Variants in CNDP1 observed in about 807,000 individuals in gnomAD.
The protein encoded by CNDP1 is carnosine dipeptidase 1.
CNDP1 carries 44 observed loss-of-function variants against 58.1 expected under a neutral mutation model. That is an observed-to-expected ratio of 0.76 (90% CI 0.60 to 0.97). CNDP1 has a LOEUF of 0.97. CNDP1 is among the 50% of genes least tolerant of loss of function. The probability of loss-of-function intolerance (pLI) is 0.00; values close to 1 mark genes in which losing one functional copy is unlikely to be tolerated. For synonymous variants in CNDP1, 254 were observed against 252.6 expected (o/e 1.01, Z -0.05); for missense variants, 616 against 655.1 (o/e 0.94, Z 0.65).
At chr18:74,556,493 A>G (rs1355171260) in intron 2 of CNDP1, 27 bp downstream of exon 2, 7 of 1,612,506 alleles carry the variant, frequency 4.3e-6, no homozygotes, top group Non-Finnish European at 5.9e-6. Flanking sequence ...ACACAACTAC[A>G]CACAGAATGC....
chr18:74,548,491 C>T (rs1467315006), intron 1 of CNDP1, among the ~76,000 whole-genome samples: 1 of 152,154 alleles, frequency 6.6e-6, no homozygotes, highest in Non-Finnish European at 1.5e-5. Context: ...GCCTTCAGAA[C>T]CATGAGCCAA....
chr18:74,575,412 G>A (rs570389293), intron 7 of CNDP1, among the ~76,000 whole-genome samples: 30 of 152,286 alleles, frequency 2.0e-4, no homozygotes, highest in African/African-American at 7.2e-4. Flanking sequence ...TCTCATGACT[G>A]CATTATCAGT....
chr18:74,557,370 C>A (rs574396135), intron 2 of CNDP1, among the ~76,000 whole-genome samples: 2 of 152,246 alleles, frequency 1.3e-5, no homozygotes, highest in South Asian at 2.1e-4. Context: ...TCTGCTTTAC[C>A]CCTAATTCAC....
At chr18:74,542,832 G>A (rs1426164114) in intron 1 of CNDP1, among the ~76,000 whole-genome samples, 1 of 152,112 alleles carries the variant, frequency 6.6e-6, no homozygotes, top group African/African-American at 2.4e-5. Flanking sequence ...CTAGAACACT[G>A]TTTGAGAACT....
chr18:74,541,294 C>A (rs761073564), intron 1 of CNDP1, among the ~76,000 whole-genome samples: 1 of 152,194 alleles, frequency 6.6e-6, no homozygotes, highest in Non-Finnish European at 1.5e-5. Flanking sequence ...GTGATCGGAT[C>A]CTCCCCTGAG....
At chr18:74,542,268 A>C (rs1405736436) in intron 1 of CNDP1, among the ~76,000 whole-genome samples, 5 of 152,236 alleles carry the variant, frequency 3.3e-5, no homozygotes, top group African/African-American at 1.2e-4. Context: ...CTAATTTATT[A>C]GTCATTATTA....
At chr18:74,536,565 C>T (rs1980491242) in intron 1 of CNDP1, among the ~76,000 whole-genome samples, 1 of 152,176 alleles carries the variant, frequency 6.6e-6, no homozygotes, top group Non-Finnish European at 1.5e-5. Flanking sequence ...AGGTTGATTC[C>T]ATGTCTTTGC....
chr18:74,575,570 G>C (rs913886545), intron 7 of CNDP1, among the ~76,000 whole-genome samples: 1 of 152,176 alleles, frequency 6.6e-6, no homozygotes, highest in Admixed American at 6.5e-5. Context: ...TGGATATTTA[G>C]TGATGATTTT....
At chr18:74,555,705 C>A (rs11876764) in intron 1 of CNDP1, among the ~76,000 whole-genome samples, 3 of 152,056 alleles carry the variant, frequency 2.0e-5, no homozygotes, top group Admixed American at 6.5e-5. Flanking sequence ...GTGGTTGGGT[C>A]TCTCAGAGAT....
chr18:74,563,076 T>G (rs1325827136), intron 5 of CNDP1, among the ~76,000 whole-genome samples: 1 of 152,196 alleles, frequency 6.6e-6, no homozygotes, highest in Non-Finnish European at 1.5e-5. Context: ...AGAGCAGACC[T>G]GGGCTTCTGG....
intron 8 of CNDP1, 143 bp downstream of exon 8, chr18:74,577,172 A>G: frequency 2.7e-6 from 2 of 734,632 alleles, no homozygotes; most frequent in Non-Finnish European, 2.0e-6. Context: ...TATTTTTGAC[A>G]TTCACAGCCA....
intron 2 of CNDP1, among the ~76,000 whole-genome samples, chr18:74,557,659 C>T (rs1447763975): frequency 6.6e-6 from 1 of 152,134 alleles, no homozygotes; most frequent in African/African-American, 2.4e-5. Context: ...GTGTTGTTGT[C>T]TGTGTTCACC....
intron 3 of CNDP1, among the ~76,000 whole-genome samples, chr18:74,560,275 A>G (rs149253463): frequency 0.069 from 10,444 of 152,160 alleles, 542 homozygotes; most frequent in African/African-American, 0.14. Flanking sequence ...TGGCTTCCCA[A>G]AGTGCTGGGA....
At position 74,580,330 on chromosome 18, in the gene CNDP1, G is replaced by A. The variant is rs151264169; in HGVS notation, c.1309+59G>A. ...GCACTGGGACTCAGGGGTGGTACCC[G>A]TGGGACCGTGGGTAAAGCAGACACT... is the stretch of plus-strand genomic sequence containing the variant. On this transcript the variant is annotated intron_variant, in intron 10 of 11. Transcript: ENST00000358821. The A allele has an allele frequency of 6.6e-4, 1,017 of 1,535,140 alleles. 7 individuals are homozygous for A. In the African/African-American group the frequency reaches 7.1e-3, roughly 11 times the overall value.
intron 1 of CNDP1, among the ~76,000 whole-genome samples, chr18:74,547,022 ACGC>A (rs1363875869): frequency 6.6e-6 from 1 of 152,114 alleles, no homozygotes; most frequent in Non-Finnish European, 1.5e-5. Flanking sequence ...GAAGGAAACC[ACGC>A]CCTTGCTGAC....
Position 74,583,567 on chromosome 18 carries a change from G to T in CNDP1, c.1316G>T (p.Gly439Val). 1 of 1,614,006 alleles carries T rather than the reference G, an allele frequency of 6.2e-7. No individual in the cohort carries two copies. Among genetic ancestry groups the T allele is most frequent in the South Asian group, 1.1e-5 (1 of 91,056 alleles). ...CCTTCTTTTCCTGTCTCAGTGTTTGGAACAGAACCAGATATGATCCGGGAT... is the reference window on the plus strand; with the variant it reads ...CCTTCTTTTCCTGTCTCAGTGTTTGTAACAGAACCAGATATGATCCGGGAT... ...AAKRAIRTVF[G>V]TEPDMIRDGS... is the part of the protein sequence containing the mutation. The change falls in exon 11 of 12, where the codon GGA becomes GTA. Residue 439 changes from glycine (G) to valine (V), a missense_variant. Gly to Val is a moderately radical substitution (Grantham distance 109). Coordinates refer to ENST00000358821, the MANE Select transcript of CNDP1 (RefSeq NM_032649.6).
chr18:74,577,104 A>G (rs1981654484), intron 8 of CNDP1, 75 bp downstream of exon 8: 3 of 1,323,646 alleles, frequency 2.3e-6, no homozygotes, highest in Non-Finnish European at 3.1e-6. Context: ...TGTCTAAGTC[A>G]TTGTCTGGTG....
intron 1 of CNDP1, among the ~76,000 whole-genome samples, chr18:74,550,076 C>G (rs1980862753): frequency 6.6e-6 from 1 of 152,276 alleles, no homozygotes; most frequent in South Asian, 2.1e-4. Flanking sequence ...TAGGACAGGT[C>G]AAAAGGAAAC....
chr18:74,579,213 C>CTTG (rs1981721609), intron 9 of CNDP1, among the ~76,000 whole-genome samples: 1 of 56,290 alleles, frequency 1.8e-5, no homozygotes. Flanking sequence ...GCCTTCCCTT[C>CTTG]CCTTCCCTTC....
Sources: allele counts gnomAD v4.1 joint callset (sites outside exome capture counted in the v4.1 genomes callset), GRCh38; gene constraint gnomAD v4.1.1; transcripts MANE v1.5; gene names NCBI Gene and HGNC (gene_info 2026-07-23, HGNC 2026-07-21).